Variants in FNBP1 observed in about 807,000 individuals in gnomAD.
The protein encoded by FNBP1 is formin-binding protein 1.
FNBP1 carries 26 observed loss-of-function variants against 90.6 expected under a neutral mutation model. That is an observed-to-expected ratio of 0.29 (90% CI 0.21 to 0.40). FNBP1 has a LOEUF of 0.40. FNBP1 is among the 10% of genes least tolerant of loss of function. FNBP1 has a pLI of 1.00. For synonymous variants in FNBP1, 260 were observed against 265.2 expected (o/e 0.98, Z 0.19); for missense variants, 635 against 768.0 (o/e 0.83, Z 2.05).
At chr9:129,926,462 A>G (rs2041925658) in intron 8 of FNBP1, among the ~76,000 whole-genome samples, 1 of 152,176 alleles carries the variant, frequency 6.6e-6, no homozygotes, top group Admixed American at 6.6e-5. Flanking sequence ...GTGTGGAGAC[A>G]TTTTTGATTG....
At chr9:130,051,495 T>G in the FNBP1 span, among the ~76,000 whole-genome samples, 2 of 152,206 alleles carry the variant, frequency 1.3e-5, no homozygotes, top group African/African-American at 2.4e-5. Flanking sequence ...CACATTCTAG[T>G]AGCAACCTTA....
intron 4 of FNBP1, among the ~76,000 whole-genome samples, chr9:129,968,770 G>A (rs2048998638): frequency 6.6e-6 from 1 of 152,170 alleles, no homozygotes; most frequent in Non-Finnish European, 1.5e-5. Context: ...ACATTTTAGT[G>A]AGTCACTGAA....
At chr9:130,032,139 C>G (rs483157) in intron 1 of FNBP1, among the ~76,000 whole-genome samples, 9,817 of 151,852 alleles carry the variant, frequency 0.065, 406 homozygotes, top group Middle Eastern at 0.13. Context: ...ATGTAAATAG[C>G]CTATTTTTAA....
chr9:129,913,703 G>A (rs2039756759), intron 11 of FNBP1, among the ~76,000 whole-genome samples: 1 of 151,818 alleles, frequency 6.6e-6, no homozygotes, highest in Non-Finnish European at 1.5e-5. Flanking sequence ...CCCAGGAGGT[G>A]GAGGTTGCAG....
At chr9:129,907,095 T>TC (rs1199711491) in intron 12 of FNBP1, among the ~76,000 whole-genome samples, 1 of 151,474 alleles carries the variant, frequency 6.6e-6, no homozygotes, top group Non-Finnish European at 1.5e-5. Flanking sequence ...GTTTTTTTTT[T>TC]TTCTTTCCTT....
intron 6 of FNBP1, among the ~76,000 whole-genome samples, chr9:129,935,121 A>AT (rs11410932): frequency 0.25 from 31,482 of 127,052 alleles, 4,776 homozygotes; most frequent in East Asian, 0.7. Context: ...TGTTTAGCTC[A>AT]TTTTTTTTTT....
At chr9:129,993,941 TACTATTCCACATG>T (rs2053606910) in intron 2 of FNBP1, among the ~76,000 whole-genome samples, 1 of 152,168 alleles carries the variant, frequency 6.6e-6, no homozygotes, top group South Asian at 2.1e-4. Context: ...ACTTTTAAAA[TACTATTCCACATG>T]ACCCCTCAAC....
intron 2 of FNBP1, among the ~76,000 whole-genome samples, chr9:129,989,192 T>C (rs1205246071): frequency 6.6e-6 from 1 of 152,208 alleles, no homozygotes; most frequent in Admixed American, 6.5e-5. Flanking sequence ...TCACTGCGTT[T>C]ACATATTTGG....
intron 1 of FNBP1, among the ~76,000 whole-genome samples, chr9:130,025,127 T>G (rs1332095849): frequency 6.6e-6 from 1 of 151,306 alleles, no homozygotes; most frequent in Admixed American, 6.6e-5. Flanking sequence ...TTGCAGTGAG[T>G]GGAGATCGCG....
At position 129,888,811 on chromosome 9, in the gene FNBP1, A is replaced by G. The variant is rs2034889950; in HGVS notation, c.*1728T>C. On this transcript the variant is annotated 3_prime_UTR_variant, in exon 17 of 17. Coordinates refer to ENST00000446176, the MANE Select transcript of FNBP1 (RefSeq NM_015033.3). Reference sequence around the variant, plus strand: ...AGCAATTTCCTGGTTTCCACAAGTAAAGACAGCCCCATCCCTTGGGACCTG... The same window carrying G: ...AGCAATTTCCTGGTTTCCACAAGTAGAGACAGCCCCATCCCTTGGGACCTG... 2 of 232,786 alleles carry G rather than the reference A, an allele frequency of 8.6e-6. No individual in the cohort carries two copies. The highest frequency in any genetic ancestry group is 4.4e-5 in the African/African-American group (2 of 45,278). 14.4% of individuals were successfully genotyped at this position (232,786 alleles called of 1,614,324 possible).
At chr9:130,030,662 A>G (rs772102963) in intron 1 of FNBP1, among the ~76,000 whole-genome samples, 6 of 152,202 alleles carry the variant, frequency 3.9e-5, no homozygotes, top group Non-Finnish European at 7.3e-5. Flanking sequence ...AAGAAATGCT[A>G]TAAAGAATTT....
chr9:129,962,478 G>A (rs938051409), intron 4 of FNBP1, among the ~76,000 whole-genome samples: 1 of 152,154 alleles, frequency 6.6e-6, no homozygotes, highest in South Asian at 2.1e-4. Flanking sequence ...GTAGAGCCTC[G>A]GAGCTTTTCC....
chr9:130,039,801 G>C (rs1045272808), intron 1 of FNBP1, among the ~76,000 whole-genome samples: 1 of 152,138 alleles, frequency 6.6e-6, no homozygotes, highest in African/African-American at 2.4e-5. Context: ...CAGGTCTTCA[G>C]TGTAAAATGC....
chr9:129,962,421 C>A (rs769230106), intron 4 of FNBP1, among the ~76,000 whole-genome samples: 2 of 152,158 alleles, frequency 1.3e-5, no homozygotes, highest in Non-Finnish European at 2.9e-5. Flanking sequence ...GGGTGCACTG[C>A]AGAGAAGGTC....
intron 11 of FNBP1, 49 bp downstream of exon 11, chr9:129,915,917 C>T: frequency 1.4e-6 from 2 of 1,468,078 alleles, no homozygotes; most frequent in Non-Finnish European, 9.5e-7. Flanking sequence ...AAAAGACACG[C>T]CAGAAAACCT....
At chr9:129,897,349 A>T (rs1336354385) in intron 15 of FNBP1, among the ~76,000 whole-genome samples, 3 of 152,178 alleles carry the variant, frequency 2.0e-5, no homozygotes, top group Non-Finnish European at 4.4e-5. Context: ...GGAGCTGTTA[A>T]CAGGGCAACA....
chr9:130,043,277 C>A (rs190280869), upstream of FNBP1: 20,275 of 234,948 alleles, frequency 0.086, 1,044 homozygotes, highest in East Asian at 0.14. Context: ...AGCTCGCGCA[C>A]GCGCGCCCGC....
chr9:129,944,539 CAA>C (rs34283195), intron 6 of FNBP1, among the ~76,000 whole-genome samples: 123 of 114,442 alleles, frequency 1.1e-3, no homozygotes, highest in East Asian at 3.7e-3. Context: ...GACTGCGTCT[CAA>C]AAAAAAAAAA....
rs1168670257 is a variant in FNBP1 at position 129,896,055 on chromosome 9, C to T, written c.1688-59G>A. On this transcript the variant is annotated intron_variant, in intron 15 of 16. Coordinates refer to ENST00000446176, the MANE Select transcript of FNBP1 (RefSeq NM_015033.3). ...TTGGCAAATGCAGGGAGGAAGCAAA[C>T]AGTGGCCTTCGCAATGAAACAAGTG... The T allele has an allele frequency of 2.0e-6, 3 of 1,506,882 alleles. No homozygotes were observed. The South Asian group carries it at 3.8e-5, about 19-fold the overall frequency. The allele number at this position is 1,506,882 out of a possible 1,614,324, so 93.3% of individuals were successfully genotyped here. A position where few individuals can be genotyped will look rare whatever the true frequency, so the allele number is the denominator to read the frequency against.
Sources: allele counts gnomAD v4.1 joint callset (sites outside exome capture counted in the v4.1 genomes callset), GRCh38; gene constraint gnomAD v4.1.1; transcripts MANE v1.5; gene names NCBI Gene and HGNC (gene_info 2026-07-23, HGNC 2026-07-21).